CD164: variants seen among roughly 807,000 people sequenced by gnomAD.
CD164 encodes the protein sialomucin core protein 24.
A neutral mutation model predicts 24.6 loss-of-function variants in CD164; 11 were observed. The ratio of observed to expected loss-of-function variants is 0.45; its 90% CI spans 0.28 to 0.74. CD164 has a LOEUF of 0.74. CD164 is among the 30% of genes least tolerant of loss of function. The pLI is 0.13. For missense variants in CD164, 295 were observed against 243.7 expected (o/e 1.21, Z -1.40); for synonymous variants, 126 against 100.3 (o/e 1.26, Z -1.53).
rs2115138887 is a variant in CD164 at position 109,368,789 on chromosome 6, T to G, written c.*62A>C. The G allele has an allele frequency of 6.5e-7, 1 of 1,547,230 alleles. No homozygotes were observed. The highest frequency in any genetic ancestry group is 8.7e-7 in the Non-Finnish European group (1 of 1,152,624). ...CCATGTGGGACATCTTAAAAGATAGTATTTTGGCTTCAGTGAGTTACACAA... is the reference window on the plus strand; with the variant it reads ...CCATGTGGGACATCTTAAAAGATAGGATTTTGGCTTCAGTGAGTTACACAA... On this transcript the variant is annotated 3_prime_UTR_variant, in exon 6 of 6. Coordinates refer to ENST00000310786, the MANE Select transcript of CD164 (RefSeq NM_006016.6).
chr6:109,382,449 C>T lies in CD164; in HGVS notation c.-71G>A. 11 of 1,350,666 alleles carry T rather than the reference C, an allele frequency of 8.1e-6. No individual in the cohort carries two copies. Among genetic ancestry groups the T allele is most frequent in the East Asian group, 3.0e-5 (1 of 33,388 alleles). 83.7% of individuals were successfully genotyped at this position (1,350,666 alleles called of 1,614,324 possible). A position where few individuals can be genotyped will look rare whatever the true frequency, so the allele number is the denominator to read the frequency against. On this transcript the variant is annotated 5_prime_UTR_variant, in exon 1 of 6. Transcript: ENST00000310786. ...GCTCAGTCAACCCCTCAATCCCCTG[C>T]GGCGCCGCCTCCGAGACTACGCTCC...
At chr6:109,372,476 G>A (rs1223372212) in intron 4 of CD164, 3 of 152,118 alleles carry the variant, frequency 2.0e-5, no homozygotes, top group Non-Finnish European at 2.9e-5. Flanking sequence ...AAGCTAATAG[G>A]TGATATACAA....
rs796771750 is a variant in CD164 at position 109,378,562 on chromosome 6, A to T, written c.260-591T>A. On this transcript the variant is annotated intron_variant, in intron 2 of 5. Transcript: ENST00000310786. ...ACTCTATTCCAAATCTCACTGCTTT[A>T]GTCTTCTATACTTTCTAAAACAACT... Among the ~76,000 whole-genome samples the T allele has an allele frequency of 2.5e-4, 38 of 152,346 alleles. 1 individual carries two copies. Among genetic ancestry groups the T allele is most frequent in the African/African-American group, 9.1e-4 (38 of 41,582 alleles).
At chr6:109,375,884 A>G (rs1262259923) in intron 4 of CD164, 190 bp downstream of exon 4, 5 of 540,370 alleles carry the variant, frequency 9.3e-6, no homozygotes, top group Admixed American at 7.9e-5. Flanking sequence ...ACCGACTATA[A>G]AACACTGGAG....
At chr6:109,377,760 T>C (rs1383664569) in intron 3 of CD164, 140 bp downstream of exon 3, 6 of 662,264 alleles carry the variant, frequency 9.1e-6, no homozygotes, top group Non-Finnish European at 1.6e-5. Context: ...TCAATATGAA[T>C]ATACTATTCA....
chr6:109,379,874 A>G (rs1771638592), intron 1 of CD164: 1 of 477,650 alleles, frequency 2.1e-6, no homozygotes, highest in African/African-American at 2.0e-5. Context: ...GCTAGTGGTC[A>G]CTCTCAGTAC....
intron 4 of CD164, among the ~76,000 whole-genome samples, chr6:109,375,571 C>G (rs1243968981): frequency 6.8e-6 from 1 of 146,006 alleles, no homozygotes; most frequent in African/African-American, 2.6e-5. Context: ...GAACCGAGAT[C>G]GTACCACTGC....
intron 1 of CD164, chr6:109,380,264 G>A (rs1431014593): frequency 6.6e-6 from 1 of 152,190 alleles, no homozygotes; most frequent in African/African-American, 2.4e-5. Context: ...AGGTTAACAA[G>A]GTATTTGTCA....
rs1771813236 is a variant in CD164, at chr6:109,382,276, T to G, written c.103A>C (p.Thr35Pro). The G allele has an allele frequency of 1.3e-6, 2 of 1,588,002 alleles. No individual in the cohort carries two copies. The highest frequency in any genetic ancestry group is 4.6e-5 in the East Asian group (2 of 43,544). The change falls in exon 1 of 6, where the codon ACT becomes CCT. Residue 35 changes from threonine to proline, a missense_variant. Transcript: ENST00000310786. ...KNTTQHPNVT[T>P]LAPISNVTSA... The stretch of plus-strand genomic sequence containing the variant: ...GTTACGTTGGAGATGGGCGCTAAAG[T>G]CGTCACGTTCGGGTGCTGGGTCGTG...
Position 109,377,970 on chromosome 6 carries a change from A to G in CD164, c.261T>C (p.Asp87=). 4 of 1,612,446 alleles carry G rather than the reference A, an allele frequency of 2.5e-6. No individual in the cohort carries two copies. The highest frequency in any genetic ancestry group is 3.4e-6 in the Non-Finnish European group (4 of 1,179,026). The part of the protein sequence containing the change: ...NTTCFWIECK[D]ESYCSHNSTV... Reference sequence around the variant, plus strand: ...TTGAGTTATGTGAACAATAGCTCTCATCTGTTGGGGGGCAGGGGAAAAGAG... The same window carrying G: ...TTGAGTTATGTGAACAATAGCTCTCGTCTGTTGGGGGGCAGGGGAAAAGAG... Residue 87 remains aspartate (D), a splice_region_variant and synonymous_variant, in exon 3 of 6, where the codon GAT becomes GAC. Transcript: ENST00000310786.
In CD164 at chr6:109,377,624, G is replaced by A. The variant is rs150481091; in HGVS notation, c.331+276C>T. ...GATGCAAACATAGCGGCTAAACTGT[G>A]ATGAATTCCTAGAAAAGTTTAAAAA... On this transcript the variant is annotated intron_variant, in intron 3 of 5. Transcript: ENST00000310786. Among the ~76,000 whole-genome samples the A allele has an allele frequency of 5.7e-3, 828 of 146,182 alleles. 17 individuals are homozygous for A. The East Asian group carries it at 0.061, about 11-fold the overall frequency.
chr6:109,376,042 G>A (rs1228754875), intron 4 of CD164, 32 bp downstream of exon 4: 1 of 1,523,622 alleles, frequency 6.6e-7, no homozygotes, highest in East Asian at 2.4e-5. Flanking sequence ...AAATACTGAA[G>A]GAAAAGGAAG....
Position 109,382,107 on chromosome 6 carries a change from G to T in CD164, c.175+97C>A. On this transcript the variant is annotated intron_variant, in intron 1 of 5. Coordinates refer to ENST00000310786, the MANE Select transcript of CD164 (RefSeq NM_006016.6). Reference sequence around the variant, plus strand: ...CACCCCGAGCGCGGCCCGCCCGCCCGACCGTGGCCCGAACCCGGGCCCCGC... The same window carrying T: ...CACCCCGAGCGCGGCCCGCCCGCCCTACCGTGGCCCGAACCCGGGCCCCGC... The T allele has an allele frequency of 4.5e-6, 5 of 1,115,042 alleles. No homozygotes were observed. The South Asian group carries it at 1.8e-4, about 40-fold the overall frequency. 69.1% of individuals were successfully genotyped at this position (1,115,042 alleles called of 1,614,324 possible). A position where few individuals can be genotyped will look rare whatever the true frequency, so the allele number is the denominator to read the frequency against.
intron 3 of CD164, among the ~76,000 whole-genome samples, 195 bp downstream of exon 3, chr6:109,377,705 T>C (rs1771493080): frequency 1.3e-5 from 2 of 151,682 alleles, no homozygotes; most frequent in South Asian, 2.1e-4. Context: ...ATCCACACTA[T>C]AGCTAAATCA....
At chr6:109,381,094 T>C (rs1188374274) in intron 1 of CD164, among the ~76,000 whole-genome samples, 2 of 152,252 alleles carry the variant, frequency 1.3e-5, no homozygotes, top group African/African-American at 2.4e-5. Context: ...AAGAAGCCAA[T>C]GTTAACTACG....
At chr6:109,378,033 C>T (rs1342172634) in intron 2 of CD164, 62 bp from the exon 3 acceptor site, 2 of 1,335,582 alleles carry the variant, frequency 1.5e-6, no homozygotes, top group Non-Finnish European at 1.1e-6. Flanking sequence ...TTATCTTTGA[C>T]TCTGCTACTA....
chr6:109,382,200 C>A lies in CD164; in HGVS notation c.175+4G>T. ...GGCGGGAAGCCCACAGGGCCCGCGC[C>A]CACCTGGTGCCGGAGTGGTGACCAG... On this transcript the variant is annotated splice_donor_region_variant and intron_variant, in intron 1 of 5. Transcript: ENST00000310786. 3 of 1,545,614 alleles carry A rather than the reference C, an allele frequency of 1.9e-6. No homozygotes were observed. The highest frequency in any genetic ancestry group is 2.6e-6 in the Non-Finnish European group (3 of 1,152,488).
At position 109,370,549 on chromosome 6, in the gene CD164, T is replaced by G. The variant is rs1230572465; in HGVS notation, c.371-82A>C. On this transcript the variant is annotated intron_variant, in intron 4 of 5. Transcript: ENST00000310786. ...ATCTAACAGCTTTAAAAAATAATCC[T>G]GCCAACTTCAACATGCTTTCAATTT... The G allele has an allele frequency of 4.0e-6, 5 of 1,246,004 alleles. No homozygotes were observed. In the East Asian group the frequency reaches 1.3e-4, roughly 31 times the overall value. 77.2% of individuals were successfully genotyped at this position (1,246,004 alleles called of 1,614,324 possible).
At chr6:109,370,797 A>G (rs1018638425) in intron 4 of CD164, 4 of 217,808 alleles carry the variant, frequency 1.8e-5, no homozygotes, top group Admixed American at 1.2e-4. Context: ...AGGAAACTAT[A>G]GGTTCTTCAT....
Sources: allele counts gnomAD v4.1 joint callset (sites outside exome capture counted in the v4.1 genomes callset), GRCh38; gene constraint gnomAD v4.1.1; transcripts MANE v1.5; gene names NCBI Gene and HGNC (gene_info 2026-07-23, HGNC 2026-07-21).